VWC2L: variants seen among roughly 807,000 people sequenced by gnomAD.
VWC2L encodes von Willebrand factor C domain-containing protein 2-like.
A neutral mutation model predicts 21.6 loss-of-function variants in VWC2L; 10 were observed. The observed-to-expected ratio is 0.46, with a 90% confidence interval of 0.29 to 0.78. The LOEUF (loss-of-function observed/expected upper bound fraction) is 0.78. Among genes scored for constraint, VWC2L ranks in the 30% least tolerant of loss-of-function variants. VWC2L has a pLI of 0.10. For missense variants in VWC2L, 209 were observed against 277.1 expected, an observed-to-expected ratio of 0.75 and a Z score of 1.74; for synonymous variants, 96 against 94.3, an observed-to-expected ratio of 1.02 and a Z score of -0.10.
intron 2 of VWC2L, among the ~76,000 whole-genome samples, chr2:214,423,523 T>C (rs542304885): frequency 6.6e-6 from 1 of 152,258 alleles, no homozygotes; most frequent in East Asian, 1.9e-4. Flanking sequence ...TTCCAATAAA[T>C]ATGTTGGATT....
chr2:214,511,336 G>A (rs919176549), intron 3 of VWC2L, among the ~76,000 whole-genome samples: 4 of 152,146 alleles, frequency 2.6e-5, no homozygotes, highest in Non-Finnish European at 5.9e-5. Flanking sequence ...GGACTAAATT[G>A]TGGTCCCCCC....
chr2:214,517,017 C>A (rs1485626223), intron 3 of VWC2L, among the ~76,000 whole-genome samples: 1 of 152,232 alleles, frequency 6.6e-6, no homozygotes, highest in Non-Finnish European at 1.5e-5. Flanking sequence ...CTTTTGCTCT[C>A]TCCCCTGCAT....
chr2:214,536,957 C>T (rs1298678083), intron 3 of VWC2L: 4 of 145,484 alleles, frequency 2.7e-5, no homozygotes, highest in African/African-American at 1.0e-4. Context: ...TCTCACCACC[C>T]ACCCCAAAAT....
At chr2:214,548,039 T>C (rs1689737382) in intron 3 of VWC2L, among the ~76,000 whole-genome samples, 1 of 152,232 alleles carries the variant, frequency 6.6e-6, no homozygotes, top group South Asian at 2.1e-4. Flanking sequence ...TGCAAGCTAA[T>C]GTGAATTCTG....
intron 3 of VWC2L, among the ~76,000 whole-genome samples, chr2:214,523,631 G>A (rs1048070997): frequency 2.0e-5 from 3 of 152,116 alleles, no homozygotes; most frequent in African/African-American, 7.2e-5. Flanking sequence ...TTGAGGTCAG[G>A]AATTTGAGAC....
intron 3 of VWC2L, among the ~76,000 whole-genome samples, chr2:214,493,431 A>T (rs950709171): frequency 7.2e-5 from 11 of 152,196 alleles, no homozygotes; most frequent in African/African-American, 2.7e-4. Context: ...GCATGGCTAG[A>T]CCCAGAGGCT....
chr2:214,536,399 A>C (rs558487879), intron 3 of VWC2L, among the ~76,000 whole-genome samples: 1 of 152,140 alleles, frequency 6.6e-6, no homozygotes, highest in Non-Finnish European at 1.5e-5. Context: ...GACATTGAAA[A>C]CACCTTGTAG....
intron 3 of VWC2L, among the ~76,000 whole-genome samples, chr2:214,509,344 T>C (rs1436183854): frequency 6.6e-6 from 1 of 152,248 alleles, no homozygotes; most frequent in African/African-American, 2.4e-5. Flanking sequence ...TATTTTGTTC[T>C]TGAATCTATA....
intron 3 of VWC2L, among the ~76,000 whole-genome samples, chr2:214,505,157 C>CAT: frequency 6.6e-6 from 1 of 152,324 alleles, no homozygotes; most frequent in East Asian, 1.9e-4. Context: ...TAGCCCCGGC[C>CAT]ATATGCACAG....
intron 3 of VWC2L, among the ~76,000 whole-genome samples, chr2:214,519,197 T>C (rs953207097): frequency 3.9e-5 from 6 of 152,194 alleles, no homozygotes; most frequent in Admixed American, 3.9e-4. Flanking sequence ...GCCTGTTCTT[T>C]TTCAGAACCT....
intron 3 of VWC2L, among the ~76,000 whole-genome samples, chr2:214,473,449 T>G (rs1703339556): frequency 1.3e-5 from 2 of 152,176 alleles, no homozygotes; most frequent in African/African-American, 4.8e-5. Context: ...CTCCCATGCC[T>G]GAAGAGTTTA....
intron 3 of VWC2L, among the ~76,000 whole-genome samples, chr2:214,439,754 C>T (rs1199379288): frequency 6.6e-6 from 1 of 151,778 alleles, no homozygotes; most frequent in East Asian, 1.9e-4. Context: ...GAATCCATCA[C>T]ACCTAACCTT....
At chr2:214,451,883 A>C (rs568152128) in intron 3 of VWC2L, among the ~76,000 whole-genome samples, 38 of 152,352 alleles carry the variant, frequency 2.5e-4, no homozygotes, top group Non-Finnish European at 4.9e-4. Flanking sequence ...TCGAGATATA[A>C]TTAAATGAAC....
intron 2 of VWC2L, among the ~76,000 whole-genome samples, chr2:214,429,129 G>T (rs1307553616): frequency 6.6e-6 from 1 of 152,190 alleles, no homozygotes; most frequent in Non-Finnish European, 1.5e-5. Context: ...TGTTGTAGAT[G>T]ACTGATTCTT....
intron 3 of VWC2L, among the ~76,000 whole-genome samples, chr2:214,447,500 T>C (rs1702855830): frequency 6.6e-6 from 1 of 152,150 alleles, no homozygotes; most frequent in Non-Finnish European, 1.5e-5. Flanking sequence ...CACTGGGATA[T>C]AATACCCTAA....
intron 3 of VWC2L, among the ~76,000 whole-genome samples, chr2:214,564,467 T>G (rs911531877): frequency 2.5e-5 from 2 of 78,862 alleles, no homozygotes; most frequent in African/African-American, 6.1e-5. Context: ...GTACAAAAAT[T>G]GATGTTTTTT....
At chr2:214,464,571 A>G (rs1703189246) in intron 3 of VWC2L, among the ~76,000 whole-genome samples, 2 of 152,130 alleles carry the variant, frequency 1.3e-5, no homozygotes, top group Admixed American at 1.3e-4. Flanking sequence ...CCACATAGAC[A>G]GCACTGGGTC....
At chr2:214,420,820 CT>C (rs1420477203) in intron 2 of VWC2L, among the ~76,000 whole-genome samples, 1 of 152,158 alleles carries the variant, frequency 6.6e-6, no homozygotes, top group Non-Finnish European at 1.5e-5. Context: ...TAATTATTGG[CT>C]CTGCAAAATG....
intron 2 of VWC2L, among the ~76,000 whole-genome samples, chr2:214,418,095 C>G (rs186463785): frequency 2.6e-5 from 4 of 152,130 alleles, no homozygotes. Flanking sequence ...CCTACTGGAC[C>G]ACTTCAAGGC....
Sources: gnomAD v4.1 joint callset for allele counts (sites outside exome capture counted in the v4.1 genomes callset) on GRCh38, gnomAD v4.1.1 for gene constraint, MANE v1.5 for transcripts, NCBI Gene and HGNC (gene_info 2026-07-23, HGNC 2026-07-21) for gene names.